Variants in LDAH observed in about 807,000 individuals in gnomAD.
LDAH encodes lipid droplet associated hydrolase, also known as lipid droplet-associated hydrolase.
In LDAH, 26 loss-of-function variants were observed where a neutral mutation model predicts 29.6. The ratio of observed to expected loss-of-function variants is 0.88; its 90% CI spans 0.64 to 1.22. LDAH has a LOEUF of 1.22. Ranked by LOEUF, LDAH falls within the 50% of genes most tolerant of loss-of-function variation. The probability of loss-of-function intolerance (pLI) is 0.00; values close to 1 mark genes in which losing one functional copy is unlikely to be tolerated. For missense variants in LDAH, 344 were observed against 387.3 expected (o/e 0.89, Z 0.94); for synonymous variants, 117 against 133.0 (o/e 0.88, Z 0.83).
At chr2:20,722,959 C>T (rs1041587184) in intron 5 of LDAH, among the ~76,000 whole-genome samples, 1 of 152,170 alleles carries the variant, frequency 6.6e-6, no homozygotes, top group Non-Finnish European at 1.5e-5. Flanking sequence ...TGAAGCTAAA[C>T]ATATGCATAC....
intron 4 of LDAH, among the ~76,000 whole-genome samples, chr2:20,743,789 A>G (rs1476656617): frequency 6.6e-6 from 1 of 151,308 alleles, no homozygotes; most frequent in Non-Finnish European, 1.5e-5. Context: ...TTATTGTTTG[A>G]AATATTTCTT....
chr2:20,811,027 T>G (rs1237964890), intron 1 of LDAH, among the ~76,000 whole-genome samples: 1 of 151,812 alleles, frequency 6.6e-6, no homozygotes, highest in East Asian at 1.9e-4. Context: ...TTCTTTTTTT[T>G]TTTTTTTTGA....
At chr2:20,725,023 T>C (rs1409129713) in intron 5 of LDAH, among the ~76,000 whole-genome samples, 4 of 152,182 alleles carry the variant, frequency 2.6e-5, no homozygotes, top group Admixed American at 6.5e-5. Flanking sequence ...TATACCGCAA[T>C]ATATATGTGA....
chr2:20,780,147 C>T (rs867005587), intron 3 of LDAH, among the ~76,000 whole-genome samples: 18 of 152,174 alleles, frequency 1.2e-4, no homozygotes, highest in African/African-American at 4.3e-4. Flanking sequence ...GTATGCATTA[C>T]AGTGAAGGAG....
At chr2:20,779,999 T>C (rs189700980) in intron 3 of LDAH, among the ~76,000 whole-genome samples, 1 of 152,276 alleles carries the variant, frequency 6.6e-6, no homozygotes, top group Admixed American at 6.5e-5. Context: ...CATCGATCCA[T>C]AAGGCCTTCC....
chr2:20,708,150 C>T (rs1373208627), intron 5 of LDAH, among the ~76,000 whole-genome samples: 1 of 152,100 alleles, frequency 6.6e-6, no homozygotes, highest in Non-Finnish European at 1.5e-5. Flanking sequence ...AAATAAAGTA[C>T]ACAATAAATG....
intron 4 of LDAH, among the ~76,000 whole-genome samples, chr2:20,773,346 C>T (rs1669562025): frequency 6.6e-6 from 1 of 151,820 alleles, no homozygotes; most frequent in South Asian, 2.1e-4. Flanking sequence ...ATATTGGAAC[C>T]TAGGTGTCCT....
chr2:20,763,440 C>A (rs1404953335), intron 4 of LDAH, among the ~76,000 whole-genome samples: 3 of 152,174 alleles, frequency 2.0e-5, no homozygotes, highest in Non-Finnish European at 4.4e-5. Flanking sequence ...GGTTGGTGAG[C>A]CCCACCCCTT....
chr2:20,741,478 A>G (rs1667171887), intron 4 of LDAH, among the ~76,000 whole-genome samples: 1 of 152,196 alleles, frequency 6.6e-6, no homozygotes, highest in Non-Finnish European at 1.5e-5. Context: ...TTTCTTGCAC[A>G]TGGACGTTCA....
intron 1 of LDAH, among the ~76,000 whole-genome samples, chr2:20,809,830 C>A (rs1352937461): frequency 6.6e-6 from 1 of 152,088 alleles, no homozygotes; most frequent in Non-Finnish European, 1.5e-5. Flanking sequence ...TATGTATAGG[C>A]CAATACCGAA....
chr2:20,708,775 G>A lies in LDAH; in HGVS notation c.704-7123C>T, dbSNP rs150714508. ...CTTTGTGACCTTAGATTACAGAATG[G>A]TTTGTAACTATGACATCAAAAGCAC... On this transcript the variant is annotated intron_variant, in intron 5 of 6. Transcript: ENST00000237822. Among the ~76,000 whole-genome samples, 784 of 152,238 alleles carry A rather than the reference G, an allele frequency of 5.1e-3. 9 individuals are homozygous for A. The highest frequency in any genetic ancestry group is 0.017 in the African/African-American group (689 of 41,550).
intron 5 of LDAH, among the ~76,000 whole-genome samples, chr2:20,718,248 A>T (rs538709110): frequency 1.3e-5 from 2 of 152,302 alleles, no homozygotes; most frequent in Admixed American, 6.5e-5. Flanking sequence ...CAAGACCCAA[A>T]TATATGCTGC....
At chr2:20,794,129 TCACATCTTA>T (rs1427747883) in intron 2 of LDAH, among the ~76,000 whole-genome samples, 1 of 152,098 alleles carries the variant, frequency 6.6e-6, no homozygotes, top group East Asian at 1.9e-4. Flanking sequence ...GAGTAGCAAG[TCACATCTTA>T]CATGGATGGC....
chr2:20,691,338 C>A (rs1267018769), intron 6 of LDAH, among the ~76,000 whole-genome samples: 1 of 110,810 alleles, frequency 9.0e-6, no homozygotes, highest in Admixed American at 8.3e-5. Flanking sequence ...CCATGCTCAG[C>A]TAATTTTTAA....
chr2:20,724,855 T>C (rs192818434), intron 5 of LDAH, among the ~76,000 whole-genome samples: 1 of 152,344 alleles, frequency 6.6e-6, no homozygotes, highest in East Asian at 1.9e-4. Flanking sequence ...CTAGTACCAC[T>C]AGTATGATTC....
chr2:20,718,684 G>A (rs1197096059), intron 5 of LDAH, among the ~76,000 whole-genome samples: 1 of 152,054 alleles, frequency 6.6e-6, no homozygotes, highest in East Asian at 1.9e-4. Context: ...ACATTTATGA[G>A]CATTTCATCC....
At chr2:20,796,438 T>C (rs1218847134) in intron 2 of LDAH, among the ~76,000 whole-genome samples, 1 of 152,172 alleles carries the variant, frequency 6.6e-6, no homozygotes, top group Non-Finnish European at 1.5e-5. Context: ...TATTTCCATC[T>C]ATCAACTTTT....
Position 20,790,275 on chromosome 2 carries a change from T to G in LDAH, c.278A>C (p.Lys93Thr), listed in dbSNP as rs200137387. 1 of 1,614,172 alleles carries G rather than the reference T, an allele frequency of 6.2e-7. No individual in the cohort carries two copies. The highest frequency in any genetic ancestry group is 2.2e-5 in the East Asian group (1 of 44,874). ...AGHALAPKDKKILTTSEDSNA... is the reference protein window; with the variant it reads ...AGHALAPKDKTILTTSEDSNA... ...CATACCCTCTGATGTTGTAAGAATC[T>G]TCTTGTCTTTGGGAGCCAACGCATG... The change falls in exon 3 of 7, where the codon AAG (lysine) becomes ACG (threonine). Residue 93 changes from lysine to threonine, a missense_variant. Lys to Thr is a moderately conservative substitution (Grantham distance 78). Coordinates refer to ENST00000237822, the MANE Select transcript of LDAH (RefSeq NM_021925.4).
chr2:20,777,537 G>A (rs2125028008), intron 3 of LDAH, among the ~76,000 whole-genome samples: 2 of 152,208 alleles, frequency 1.3e-5, no homozygotes, highest in Middle Eastern at 6.8e-3. Context: ...CAATTCTCAT[G>A]ACTCCCAAGT....
Sources: gnomAD v4.1 joint callset for allele counts (sites outside exome capture counted in the v4.1 genomes callset) on GRCh38, gnomAD v4.1.1 for gene constraint, MANE v1.5 for transcripts, NCBI Gene and HGNC (gene_info 2026-07-23, HGNC 2026-07-21) for gene names.